ARHGAP26: variants seen among roughly 807,000 people sequenced by gnomAD.
The protein encoded by ARHGAP26 is rho GTPase-activating protein 26.
ARHGAP26 carries 38 observed loss-of-function variants against 104.8 expected under a neutral mutation model. The observed-to-expected ratio is 0.36, with a 90% confidence interval of 0.28 to 0.48. The LOEUF is 0.48. Among genes scored for constraint, ARHGAP26 ranks in the 20% least tolerant of loss-of-function variants. ARHGAP26 has a pLI of 0.99. For synonymous variants in ARHGAP26, 341 were observed against 340.0 expected, an observed-to-expected ratio of 1.00 and a Z score of -0.03; for missense variants, 704 against 947.9, an observed-to-expected ratio of 0.74 and a Z score of 3.38.
intron 20 of ARHGAP26, among the ~76,000 whole-genome samples, chr5:143,163,640 G>A (rs184369517): frequency 7.0e-4 from 106 of 152,028 alleles, no homozygotes; most frequent in African/African-American, 2.5e-3. Flanking sequence ...CAGTAGAGAC[G>A]GGGTTTCACC....
At chr5:142,866,785 T>G (rs1754360257) in intron 1 of ARHGAP26, 2 of 152,156 alleles carry the variant, frequency 1.3e-5, no homozygotes, top group South Asian at 4.1e-4. Flanking sequence ...AGATGTATGA[T>G]CAGAATGCAT....
intron 20 of ARHGAP26, among the ~76,000 whole-genome samples, chr5:143,167,912 C>T (rs1002082259): frequency 1.3e-5 from 2 of 152,102 alleles, no homozygotes; most frequent in Non-Finnish European, 1.5e-5. Context: ...TATGTAAACA[C>T]ATTAAAGATG....
At position 142,860,914 on chromosome 5, in the gene ARHGAP26, C is replaced by T. The variant is rs1336811256; in HGVS notation, c.155-12486C>T. ...AAACTTCAGCATGGATAAGAACTGCCTGGGAAGCCCAGGCTCCTAGGCCTC... is the reference window on the plus strand; with the variant it reads ...AAACTTCAGCATGGATAAGAACTGCTTGGGAAGCCCAGGCTCCTAGGCCTC... On this transcript the variant is annotated intron_variant, in intron 1 of 22. Transcript: ENST00000645722. 1.4e-4 allele frequency among the ~76,000 whole-genome samples: 22 copies of T among 152,320 alleles called. 1 individual carries two copies. The highest frequency in any genetic ancestry group is 1.4e-3 in the Admixed American group (22 of 15,300).
At chr5:142,978,709 T>C (rs1258333520) in intron 11 of ARHGAP26, among the ~76,000 whole-genome samples, 1 of 151,778 alleles carries the variant, frequency 6.6e-6, no homozygotes, top group Non-Finnish European at 1.5e-5. Flanking sequence ...GTTATTATTA[T>C]CTTAATCCTG....
chr5:143,121,262 A>T, intron 18 of ARHGAP26, 115 bp downstream of exon 18: 1 of 1,094,688 alleles, frequency 9.1e-7, no homozygotes. Flanking sequence ...CACTGTCATG[A>T]CGATGAAGTT....
intron 10 of ARHGAP26, among the ~76,000 whole-genome samples, chr5:142,924,796 G>C (rs1334244551): frequency 6.6e-6 from 1 of 152,218 alleles, no homozygotes; most frequent in Non-Finnish European, 1.5e-5. Context: ...TTCCAGTGAT[G>C]GCACTGTGTC....
At chr5:143,057,814 G>A in intron 17 of ARHGAP26, 67 bp downstream of exon 17, 1 of 1,337,852 alleles carries the variant, frequency 7.5e-7, no homozygotes, top group Non-Finnish European at 1.1e-6. Flanking sequence ...CAGTGAAGCT[G>A]GTCTCAGTTC....
chr5:142,932,227 C>T, intron 11 of ARHGAP26, 102 bp downstream of exon 11: 1 of 1,088,058 alleles, frequency 9.2e-7, no homozygotes, highest in Non-Finnish European at 1.4e-6. Flanking sequence ...GCCTTGGGTT[C>T]TTGAAACCAG....
chr5:143,044,822 T>A (rs1392122439), intron 14 of ARHGAP26, among the ~76,000 whole-genome samples: 1 of 152,194 alleles, frequency 6.6e-6, no homozygotes, highest in Non-Finnish European at 1.5e-5. Flanking sequence ...TTGGTTGTAA[T>A]AGATCAGGCA....
At chr5:143,157,764 A>G (rs1024966363) in intron 20 of ARHGAP26, among the ~76,000 whole-genome samples, 1 of 152,212 alleles carries the variant, frequency 6.6e-6, no homozygotes, top group Admixed American at 6.5e-5. Context: ...TATGGCCACA[A>G]ATAGCTTTCC....
intron 12 of ARHGAP26, among the ~76,000 whole-genome samples, chr5:143,024,452 C>T (rs988026793): frequency 6.6e-6 from 1 of 152,174 alleles, no homozygotes; most frequent in East Asian, 1.9e-4. Context: ...GTGAGCCACC[C>T]GTTGCCATCC....
chr5:142,918,696 C>T (rs1762827973), intron 10 of ARHGAP26, among the ~76,000 whole-genome samples: 1 of 151,942 alleles, frequency 6.6e-6, no homozygotes, highest in Non-Finnish European at 1.5e-5. Flanking sequence ...TACTGAGGAC[C>T]CTAGGATTAC....
At chr5:142,979,275 T>A (rs1773582297) in intron 11 of ARHGAP26, among the ~76,000 whole-genome samples, 1 of 152,228 alleles carries the variant, frequency 6.6e-6, no homozygotes, top group Admixed American at 6.5e-5. Context: ...ACCTTGGCAG[T>A]TTCATCTGGG....
chr5:142,979,807 G>A (rs1212553513), intron 11 of ARHGAP26, among the ~76,000 whole-genome samples: 1 of 152,248 alleles, frequency 6.6e-6, no homozygotes, highest in Non-Finnish European at 1.5e-5. Context: ...AGGCACTGTT[G>A]TGGGCGTGCC....
intron 17 of ARHGAP26, among the ~76,000 whole-genome samples, chr5:143,084,764 C>G (rs3822388): frequency 0.22 from 33,339 of 151,928 alleles, 6,809 homozygotes; most frequent in African/African-American, 0.52. Flanking sequence ...ATACTTTCTC[C>G]GCTGGGCGCG....
intron 17 of ARHGAP26, among the ~76,000 whole-genome samples, chr5:143,101,897 T>C (rs1256030053): frequency 6.6e-6 from 1 of 151,586 alleles, no homozygotes; most frequent in East Asian, 1.9e-4. Flanking sequence ...AGAGTGTGCC[T>C]TCCTTAAAAA....
At chr5:143,215,050 G>T (rs1810127170) in intron 22 of ARHGAP26, among the ~76,000 whole-genome samples, 1 of 152,242 alleles carries the variant, frequency 6.6e-6, no homozygotes, top group Admixed American at 6.5e-5. Flanking sequence ...GCTGTCCAAA[G>T]CCATTTCACT....
At chr5:143,066,655 T>G (rs1787538844) in intron 17 of ARHGAP26, among the ~76,000 whole-genome samples, 1 of 152,196 alleles carries the variant, frequency 6.6e-6, no homozygotes, top group Non-Finnish European at 1.5e-5. Context: ...CTTCATAGTT[T>G]TGTTATTGGC....
intron 5 of ARHGAP26, among the ~76,000 whole-genome samples, chr5:142,889,066 A>G (rs911363900): frequency 2.0e-5 from 3 of 152,198 alleles, no homozygotes; most frequent in Non-Finnish European, 4.4e-5. Context: ...CATTGGCAAG[A>G]GAAGCATAAC....
Sources: gnomAD v4.1 joint callset for allele counts (sites outside exome capture counted in the v4.1 genomes callset) on GRCh38, gnomAD v4.1.1 for gene constraint, MANE v1.5 for transcripts, NCBI Gene and HGNC (gene_info 2026-07-23, HGNC 2026-07-21) for gene names.